Variants in KIAA1755 observed in about 807,000 individuals in gnomAD.
KIAA1755 encodes the protein KIAA1755, also known as uncharacterized protein KIAA1755.
A neutral mutation model predicts 91.7 loss-of-function variants in KIAA1755; 68 were observed. That is an observed-to-expected ratio of 0.74 (90% CI 0.61 to 0.91). The LOEUF is 0.91. Among genes scored for constraint, KIAA1755 ranks in the 40% least tolerant of loss-of-function variants. The pLI is 0.00. For synonymous variants in KIAA1755, 610 were observed against 604.6 expected (o/e 1.01, Z -0.13); for missense variants, 1,535 against 1,494.4 (o/e 1.03, Z -0.45).
intron 8 of KIAA1755, among the ~76,000 whole-genome samples, chr20:38,223,910 A>T (rs2050017498): frequency 6.6e-6 from 1 of 152,128 alleles, no homozygotes; most frequent in Non-Finnish European, 1.5e-5. Flanking sequence ...ACACTTTGAG[A>T]ACCACTGGTG....
chr20:38,219,827 T>C, intron 10 of KIAA1755, 59 bp from the exon 11 acceptor site: 4 of 1,600,110 alleles, frequency 2.5e-6, no homozygotes, highest in Non-Finnish European at 3.4e-6. Context: ...CTGCTGTACT[T>C]CTGTCCCGCA....
intron 5 of KIAA1755, among the ~76,000 whole-genome samples, chr20:38,228,994 C>G (rs186202184): frequency 2.6e-5 from 4 of 152,180 alleles, no homozygotes; most frequent in African/African-American, 2.4e-5. Flanking sequence ...AGATTCCTCA[C>G]CCTACTCCTC....
chr20:38,225,302 C>T (rs1314228299), intron 8 of KIAA1755, among the ~76,000 whole-genome samples: 18 of 152,176 alleles, frequency 1.2e-4, no homozygotes, highest in Admixed American at 1.0e-3. Context: ...GCGCCCGGCC[C>T]TGTAAATTTA....
chr20:38,234,760 G>C (rs1020294950), intron 4 of KIAA1755, among the ~76,000 whole-genome samples: 1 of 152,198 alleles, frequency 6.6e-6, no homozygotes, highest in African/African-American at 2.4e-5. Flanking sequence ...GCCTGGAACA[G>C]GGCCCTGCAC....
At chr20:38,254,993 A>G (rs997727745) in intron 1 of KIAA1755, among the ~76,000 whole-genome samples, 1 of 152,130 alleles carries the variant, frequency 6.6e-6, no homozygotes, top group Non-Finnish European at 1.5e-5. Flanking sequence ...CCTGGCCAAC[A>G]TAGTGCAACC....
intron 2 of KIAA1755, 109 bp from the exon 3 acceptor site, chr20:38,242,038 G>A (rs1039940484): frequency 8.8e-7 from 1 of 1,130,294 alleles, no homozygotes; most frequent in Non-Finnish European, 1.3e-6. Flanking sequence ...CAGGGACTAG[G>A]ATGAGGCAGC....
intron 1 of KIAA1755, among the ~76,000 whole-genome samples, chr20:38,257,062 G>T (rs1022542370): frequency 1.3e-5 from 2 of 152,030 alleles, no homozygotes; most frequent in African/African-American, 4.8e-5. Flanking sequence ...TTCCAGACTT[G>T]CTTCTCTTCT....
rs772119612 is a variant in KIAA1755 at position 38,219,596 on chromosome 20, A to C, written c.2556+34T>G. 3 of 1,612,188 alleles carry C rather than the reference A, an allele frequency of 1.9e-6. No homozygotes were observed. In the Admixed American group the frequency reaches 5.0e-5, roughly 27 times the overall value. On this transcript the variant is annotated intron_variant, in intron 11 of 13. Coordinates refer to ENST00000279024, the MANE Select transcript of KIAA1755 (RefSeq NM_001029864.2). ...TTTCCTGTGGAATGTGGCCAGGCAG[A>C]ACCCCCACACCCCAAGCCAGACACC...
chr20:38,237,440 G>T (rs931657884), intron 4 of KIAA1755, among the ~76,000 whole-genome samples: 1 of 152,070 alleles, frequency 6.6e-6, no homozygotes, highest in African/African-American at 2.4e-5. Context: ...CGGAGGTTGG[G>T]ATTTATCTGG....
Position 38,218,335 on chromosome 20 carries a change from C to T in KIAA1755, c.2588G>A (p.Arg863Gln), listed in dbSNP as rs139310550. The change falls in exon 12 of 14, where the codon CGG becomes CAG. Residue 863 changes from arginine (R) to glutamine (Q), a missense_variant. By Grantham distance (43) the Arg-to-Gln change is conservative. Transcript: ENST00000279024. Reference protein sequence around the residue: ...VSDWMEQEGRRCLQSLTPKDG... With the variant: ...VSDWMEQEGRQCLQSLTPKDG... ...CTTGGGGGTCAGTGATTGCAGGCACCGCCTTCCTTCCTGCTCCATCCAGTC... is the reference window on the plus strand; with the variant it reads ...CTTGGGGGTCAGTGATTGCAGGCACTGCCTTCCTTCCTGCTCCATCCAGTC... The T allele has an allele frequency of 1.5e-4, 240 of 1,614,084 alleles. No individual in the cohort carries two copies. Among genetic ancestry groups the T allele is most frequent in the Non-Finnish European group, 1.8e-4 (212 of 1,180,050 alleles).
chr20:38,213,561 G>T lies in KIAA1755; in HGVS notation c.3084C>A (p.Gly1028=). ...GLQVASLSRA[G]LGQELWEEAR... Reference sequence around the variant, plus strand: ...CCTCCTCCCATAGCTCCTGGCCCAGGCCTGCCCGGCTCAGGGAGGCCACCT... The same window carrying T: ...CCTCCTCCCATAGCTCCTGGCCCAGTCCTGCCCGGCTCAGGGAGGCCACCT... The change falls in exon 14 of 14, where the codon GGC becomes GGA. Residue 1028 remains glycine (G), a synonymous_variant. Transcript: ENST00000279024. The T allele has an allele frequency of 6.2e-7, 1 of 1,607,102 alleles. No homozygotes were observed. The highest frequency in any genetic ancestry group is 8.5e-7 in the Non-Finnish European group (1 of 1,176,278).
chr20:38,250,225 G>C (rs2076222822), intron 1 of KIAA1755, among the ~76,000 whole-genome samples: 1 of 152,166 alleles, frequency 6.6e-6, no homozygotes, highest in South Asian at 2.1e-4. Flanking sequence ...AGTGCAGCCA[G>C]ACTGCCCGGG....
At chr20:38,216,121 C>T (rs1170056452) in intron 13 of KIAA1755, among the ~76,000 whole-genome samples, 1 of 152,216 alleles carries the variant, frequency 6.6e-6, no homozygotes, top group Non-Finnish European at 1.5e-5. Flanking sequence ...ACTACACGGC[C>T]ATTAACTATG....
intron 1 of KIAA1755, among the ~76,000 whole-genome samples, chr20:38,252,519 C>G (rs2076268535): frequency 1.3e-5 from 2 of 152,158 alleles, no homozygotes; most frequent in Admixed American, 6.5e-5. Context: ...AAGACAGAGC[C>G]AGGATCCAAT....
intron 8 of KIAA1755, among the ~76,000 whole-genome samples, chr20:38,224,334 G>C (rs541256174): frequency 1.3e-5 from 2 of 152,312 alleles, no homozygotes; most frequent in East Asian, 1.9e-4. Context: ...TTCATTGGAG[G>C]CCTCTGGAAA....
chr20:38,259,571 T>C (rs1320643128), intron 1 of KIAA1755, among the ~76,000 whole-genome samples: 4 of 98,892 alleles, frequency 4.0e-5, no homozygotes, highest in African/African-American at 1.7e-4. Flanking sequence ...CTATATGGAA[T>C]TCTTCTGCTT....
At chr20:38,235,454 A>G (rs756495336) in intron 4 of KIAA1755, among the ~76,000 whole-genome samples, 3 of 152,172 alleles carry the variant, frequency 2.0e-5, no homozygotes, top group Non-Finnish European at 4.4e-5. Flanking sequence ...TGGATCATCC[A>G]CTCTAATCAT....
intron 1 of KIAA1755, among the ~76,000 whole-genome samples, chr20:38,259,817 CCACCA>C (rs764542112): frequency 1.5e-4 from 18 of 116,236 alleles, no homozygotes; most frequent in African/African-American, 6.8e-4. Flanking sequence ...GCCACCACCA[CCACCA>C]CACACACACA....
In KIAA1755 at chr20:38,248,681, T is replaced by TTTATTATTATTATTATTATTA. The variant is rs139229061; in HGVS notation, c.4-2576_4-2556dup. ...TTTCTTTTCCTTTTCTTGTCTTCTC[T>TTTATTATTATTATTATTATTA]TTATTATTATTATTATTATTATTAT... On this transcript the variant is annotated intron_variant, in intron 1 of 13. Transcript: ENST00000279024. Among the ~76,000 whole-genome samples the TTTATTATTATTATTATTATTA allele has an allele frequency of 2.0e-4, 29 of 144,836 alleles. No homozygotes were observed. In the East Asian group the frequency reaches 4.8e-3, roughly 24 times the overall value.
Sources: gnomAD v4.1 joint callset for allele counts (sites outside exome capture counted in the v4.1 genomes callset) on GRCh38, gnomAD v4.1.1 for gene constraint, MANE v1.5 for transcripts, NCBI Gene and HGNC (gene_info 2026-07-23, HGNC 2026-07-21) for gene names.